Variants in SLC16A14 observed in about 807,000 individuals in gnomAD.
SLC16A14 encodes the protein solute carrier family 16 member 14, also known as monocarboxylate transporter 14.
In SLC16A14, 14 loss-of-function variants were observed where a neutral mutation model predicts 35.8. That is an observed-to-expected ratio of 0.39 (90% CI 0.26 to 0.61). The LOEUF is 0.61. Among genes scored for constraint, SLC16A14 ranks in the 20% least tolerant of loss-of-function variants. SLC16A14 has a pLI of 0.51. For missense variants in SLC16A14, 533 were observed against 655.0 expected (o/e 0.81, Z 2.03); for synonymous variants, 248 against 258.9 (o/e 0.96, Z 0.40).
intron 2 of SLC16A14, among the ~76,000 whole-genome samples, chr2:230,051,111 G>A (rs2077656445): frequency 6.6e-6 from 1 of 152,168 alleles, no homozygotes; most frequent in Non-Finnish European, 1.5e-5. Flanking sequence ...AGTATTTTAT[G>A]AGACGCATTC....
chr2:230,051,432 A>T (rs1263218359), intron 2 of SLC16A14, among the ~76,000 whole-genome samples: 1 of 152,194 alleles, frequency 6.6e-6, no homozygotes, highest in Non-Finnish European at 1.5e-5. Flanking sequence ...AAGTGCTGGG[A>T]TGACAGGCTT....
At chr2:230,067,943 C>T (rs1038548960) in intron 1 of SLC16A14, 2 of 152,166 alleles carry the variant, frequency 1.3e-5, no homozygotes, top group Admixed American at 6.5e-5. Flanking sequence ...CACCCGCGCT[C>T]GGTGCTCCCG....
chr2:230,040,371 C>A (rs937911684), intron 4 of SLC16A14, among the ~76,000 whole-genome samples: 1 of 152,004 alleles, frequency 6.6e-6, no homozygotes, highest in Non-Finnish European at 1.5e-5. Flanking sequence ...AGGCGGCATG[C>A]GCCACCACAC....
In SLC16A14 at chr2:230,045,069, A is replaced by G. The variant is rs144895448; in HGVS notation, c.1381+676T>C. 6.5e-3 allele frequency among the ~76,000 whole-genome samples: 997 copies of G among 152,276 alleles called. 9 individuals are homozygous for G. The highest frequency in any genetic ancestry group is 0.023 in the African/African-American group (943 of 41,538). ...CCTTGGGGGGAAACAACAACAGAAG[A>G]TCTGGCAACAATTCTCAGTATTTCT... On this transcript the variant is annotated intron_variant, in intron 4 of 4. Transcript: ENST00000295190.
At chr2:230,041,397 G>T (rs1216285743) in intron 4 of SLC16A14, among the ~76,000 whole-genome samples, 4 of 152,094 alleles carry the variant, frequency 2.6e-5, no homozygotes, top group Non-Finnish European at 4.4e-5. Flanking sequence ...GCCCAGGCTA[G>T]AGTGCAGTGG....
chr2:230,057,056 T>C lies in SLC16A14; in HGVS notation c.259+2038A>G, dbSNP rs7603737. Among the ~76,000 whole-genome samples the C allele has an allele frequency of 3.1e-3, 474 of 152,166 alleles. 6 individuals carry two copies. Among genetic ancestry groups the C allele is most frequent in the African/African-American group, 0.011 (438 of 41,534 alleles). On this transcript the variant is annotated intron_variant, in intron 2 of 4. Coordinates refer to ENST00000295190, the MANE Select transcript of SLC16A14 (RefSeq NM_152527.5). ...CAAAACCGAAAAAGATTAGAGGCCG[T>C]TTATGTTTCCAGTATAAAATATATT...
chr2:230,053,970 A>G (rs2077682840), intron 2 of SLC16A14, among the ~76,000 whole-genome samples: 1 of 152,026 alleles, frequency 6.6e-6, no homozygotes, highest in Admixed American at 6.6e-5. Context: ...TCACCATAGT[A>G]AAGAGTTAGG....
intron 3 of SLC16A14, among the ~76,000 whole-genome samples, chr2:230,047,723 G>A (rs1054754941): frequency 6.6e-6 from 1 of 152,228 alleles, no homozygotes; most frequent in Non-Finnish European, 1.5e-5. Flanking sequence ...ATTGCTAAAT[G>A]TAGATTTTAA....
At chr2:230,055,236 TA>T (rs141500700) in intron 2 of SLC16A14, among the ~76,000 whole-genome samples, 2,535 of 152,254 alleles carry the variant, frequency 0.017, 66 homozygotes, top group African/African-American at 0.058. Context: ...TCATGTACAT[TA>T]ACGTGCATGT....
At chr2:230,048,150 C>T (rs1398401707) in intron 3 of SLC16A14, among the ~76,000 whole-genome samples, 1 of 152,172 alleles carries the variant, frequency 6.6e-6, no homozygotes, top group Non-Finnish European at 1.5e-5. Flanking sequence ...TTGCTAAGTG[C>T]TTTATACAAA....
intron 1 of SLC16A14, among the ~76,000 whole-genome samples, chr2:230,063,032 A>G (rs1560482839): frequency 6.6e-6 from 1 of 152,160 alleles, no homozygotes; most frequent in Non-Finnish European, 1.5e-5. Flanking sequence ...TCAAGCCTGT[A>G]ATCCCAGCAC....
chr2:230,061,844 C>A (rs1358401474), intron 1 of SLC16A14, among the ~76,000 whole-genome samples: 1 of 151,288 alleles, frequency 6.6e-6, no homozygotes. Context: ...TGGGTTCAAG[C>A]AATTCTCATG....
At position 230,046,965 on chromosome 2, in the gene SLC16A14, C is replaced by T. The variant is rs1479822873; in HGVS notation, c.404-243G>A. On this transcript the variant is annotated intron_variant, in intron 3 of 4. Coordinates refer to ENST00000295190, the MANE Select transcript of SLC16A14 (RefSeq NM_152527.5). The surrounding 1 kb of genome is among the most constrained non-coding windows in gnomAD (Gnocchi z 5.0). The stretch of plus-strand genomic sequence containing the variant: ...AACAGGCTTTGCTGCACAAGTTCCT[C>T]CAATAACAAAATGGAGCAGCATTCT... Among the ~76,000 whole-genome samples the T allele has an allele frequency of 6.6e-6, 1 of 152,206 alleles. No homozygotes were observed. Among genetic ancestry groups the T allele is most frequent in the African/African-American group, 2.4e-5 (1 of 41,450 alleles).
intron 4 of SLC16A14, among the ~76,000 whole-genome samples, chr2:230,040,641 T>A (rs941177811): frequency 5.9e-5 from 9 of 152,110 alleles, no homozygotes; most frequent in Admixed American, 3.3e-4. Context: ...CAGTTTTTTT[T>A]AAAAAAAGCA....
chr2:230,046,786 G>A lies in SLC16A14; in HGVS notation c.404-64C>T, dbSNP rs1160788709. 5 of 1,497,620 alleles carry A rather than the reference G, an allele frequency of 3.3e-6. No individual in the cohort carries two copies. The highest frequency in any genetic ancestry group is 4.4e-6 in the Non-Finnish European group (5 of 1,126,090). 92.8% of individuals were successfully genotyped at this position (1,497,620 alleles called of 1,614,324 possible). On this transcript the variant is annotated intron_variant, in intron 3 of 4. Transcript: ENST00000295190. This position sits in a 1 kb window ranked among gnomAD's most constrained non-coding sequence, Gnocchi z 5.0. ...ACATCAGTGGCCATATCCAGAATTC[G>A]CAGCAAAGATCACCTGCATTTCCTT...
intron 1 of SLC16A14, among the ~76,000 whole-genome samples, chr2:230,063,355 C>T (rs1422419788): frequency 6.6e-6 from 1 of 150,882 alleles, no homozygotes; most frequent in Non-Finnish European, 1.5e-5. Flanking sequence ...AGGATGGAGT[C>T]CCTTCAGCAC....
chr2:230,049,931 T>G, intron 2 of SLC16A14, 27 bp from the exon 3 acceptor site: 1 of 1,601,910 alleles, frequency 6.2e-7, no homozygotes, highest in Non-Finnish European at 8.5e-7. Flanking sequence ...GAAAAGGAAT[T>G]GACTAAAGGT....
intron 1 of SLC16A14, among the ~76,000 whole-genome samples, chr2:230,067,809 A>C (rs911717601): frequency 6.6e-6 from 1 of 152,088 alleles, no homozygotes; most frequent in African/African-American, 2.4e-5. Flanking sequence ...CTCTCACCCC[A>C]TTTCAGCCTC....
chr2:230,052,207 T>C (rs1350965057), intron 2 of SLC16A14, among the ~76,000 whole-genome samples: 1 of 152,170 alleles, frequency 6.6e-6, no homozygotes, highest in African/African-American at 2.4e-5. Flanking sequence ...AGTGCTGGGA[T>C]TACAGGCGTG....
Sources: allele counts gnomAD v4.1 joint callset (sites outside exome capture counted in the v4.1 genomes callset), GRCh38; gene constraint gnomAD v4.1.1; non-coding constraint Gnocchi (gnomAD v3.1); transcripts MANE v1.5; gene names NCBI Gene and HGNC (gene_info 2026-07-23, HGNC 2026-07-21).